The following CHMP2B variants were observed in gnomAD, a reference collection of about 807,000 sequenced individuals.
The protein encoded by CHMP2B is charged multivesicular body protein 2B.
A neutral mutation model predicts 29.8 loss-of-function variants in CHMP2B; 22 were observed. The observed-to-expected ratio is 0.74, with a 90% CI of 0.53 to 1.05. The LOEUF is 1.05. Among genes scored for constraint, CHMP2B ranks in the 50% least tolerant of loss-of-function variants. CHMP2B has a pLI of 0.00. For synonymous variants in CHMP2B, 78 were observed against 75.8 expected, an observed-to-expected ratio of 1.03 and a Z score of -0.15; for missense variants, 261 against 252.2, an observed-to-expected ratio of 1.03 and a Z score of -0.24.
intron 2 of CHMP2B, among the ~76,000 whole-genome samples, chr3:87,240,992 A>G (rs1706107925): frequency 6.6e-6 from 1 of 152,180 alleles, no homozygotes; most frequent in African/African-American, 2.4e-5. Context: ...GATTCTGTGT[A>G]TTCTGTTGAT....
rs140370370 is a variant in CHMP2B at position 87,244,923 on chromosome 3, A to G, written c.127-791A>G. Among the ~76,000 whole-genome samples, 98 of 152,178 alleles carry G rather than the reference A, an allele frequency of 6.4e-4. 1 individual carries two copies. In the East Asian group the frequency reaches 0.017, roughly 26 times the overall value. On this transcript the variant is annotated intron_variant, in intron 2 of 5. Transcript: ENST00000263780. ...TTTGCTTAAGAGTGGAGTTGTTGAT[A>G]TTTCTCATGCTAATTATGCATTTGT...
At chr3:87,245,571 C>G (rs1487915727) in intron 2 of CHMP2B, 143 bp from the exon 3 acceptor site, 7 of 700,754 alleles carry the variant, frequency 1.0e-5, no homozygotes, top group Non-Finnish European at 1.7e-5. Flanking sequence ...CTCTTTTGCT[C>G]TATGACTTTA....
In CHMP2B at chr3:87,249,965, A is replaced by C. The variant is rs376941490; in HGVS notation, c.412A>C (p.Thr138Pro). The C allele has an allele frequency of 1.3e-6, 2 of 1,567,466 alleles. No individual in the cohort carries two copies. Among genetic ancestry groups the C allele is most frequent in the African/African-American group, 2.7e-5 (2 of 73,774 alleles). The change falls in exon 4 of 6, where the codon ACT becomes CCT. Residue 138 changes from threonine to proline, a missense_variant. Transcript: ENST00000263780. ...GAAGGAAAACATGAAAATGGAAATGACTGAAGAAATGAGTAAGTTTAATAA... is the reference window on the plus strand; with the variant it reads ...GAAGGAAAACATGAAAATGGAAATGCCTGAAGAAATGAGTAAGTTTAATAA... ...FQKENMKMEM[T>P]EEMINDTLDD... is the part of the protein sequence containing the mutation.
chr3:87,251,277 A>G (rs1408805908), intron 4 of CHMP2B, among the ~76,000 whole-genome samples: 1 of 151,942 alleles, frequency 6.6e-6, no homozygotes, highest in Non-Finnish European at 1.5e-5. Flanking sequence ...TTTGAAAACT[A>G]TGAGTTTTTT....
chr3:87,232,583 C>G (rs1362613749), intron 1 of CHMP2B, among the ~76,000 whole-genome samples: 2 of 152,134 alleles, frequency 1.3e-5, no homozygotes, highest in African/African-American at 4.8e-5. Flanking sequence ...AAAACATTCT[C>G]CCTACTTTTA....
chr3:87,241,685 AC>A (rs1371103775), intron 2 of CHMP2B, among the ~76,000 whole-genome samples: 1 of 152,108 alleles, frequency 6.6e-6, no homozygotes, highest in Non-Finnish European at 1.5e-5. Context: ...TGAATATTTC[AC>A]AATTTGTTTA....
chr3:87,251,396 T>A (rs1706311336), intron 4 of CHMP2B, among the ~76,000 whole-genome samples: 1 of 151,996 alleles, frequency 6.6e-6, no homozygotes, highest in African/African-American at 2.4e-5. Flanking sequence ...ATGGCAGTTC[T>A]CAGCAGAGAA....
chr3:87,246,242 A>T (rs1200709131), intron 3 of CHMP2B, among the ~76,000 whole-genome samples: 1 of 151,844 alleles, frequency 6.6e-6, no homozygotes. Context: ...GATTCAAGTG[A>T]TTCTCCTGCC....
chr3:87,253,794 G>T lies in CHMP2B; in HGVS notation c.614G>T (p.Arg205Leu), dbSNP rs750217435. Residue 205 changes from arginine to leucine, a missense_variant, in exon 6 of 6, where the codon CGG becomes CTG. Transcript: ENST00000263780. ...KATISDEEIE[R>L]QLKALGVD The stretch of plus-strand genomic sequence containing the variant: ...ACAATCTCAGATGAAGAGATTGAAC[G>T]GCAACTCAAGGCTTTAGGAGTAGAT... The T allele has an allele frequency of 6.2e-6, 10 of 1,611,766 alleles. No individual in the cohort carries two copies. Among genetic ancestry groups the T allele is most frequent in the Non-Finnish European group, 6.8e-6 (8 of 1,178,394 alleles).
rs572106959 is a variant in CHMP2B at position 87,237,632 on chromosome 3, C to T, written c.35-3067C>T. On this transcript the variant is annotated intron_variant, in intron 1 of 5. Coordinates refer to ENST00000263780, the MANE Select transcript of CHMP2B (RefSeq NM_014043.4). The stretch of plus-strand genomic sequence containing the variant: ...AATATTAATAGATATTTCTTAAAAA[C>T]AGTTCTTAATACGTTTGGTCAATAA... 5.3e-5 allele frequency among the ~76,000 whole-genome samples: 8 copies of T among 152,268 alleles called. No homozygotes were observed. In the East Asian group the frequency reaches 1.5e-3, roughly 29 times the overall value.
intron 1 of CHMP2B, among the ~76,000 whole-genome samples, chr3:87,229,123 C>A (rs946983246): frequency 6.6e-6 from 1 of 151,860 alleles, no homozygotes; most frequent in African/African-American, 2.4e-5. Flanking sequence ...TAGTTTTAAT[C>A]GCCTAATACC....
intron 3 of CHMP2B, among the ~76,000 whole-genome samples, chr3:87,248,724 C>T (rs1451275432): frequency 6.7e-6 from 1 of 149,724 alleles, no homozygotes; most frequent in African/African-American, 2.5e-5. Context: ...TTTAACAGCA[C>T]TGGAAAGCCA....
At chr3:87,235,147 C>T (rs1705978341) in intron 1 of CHMP2B, among the ~76,000 whole-genome samples, 1 of 152,140 alleles carries the variant, frequency 6.6e-6, no homozygotes, top group South Asian at 2.1e-4. Flanking sequence ...TATGTATTCC[C>T]TTCTCTTAAA....
chr3:87,228,959 C>CG (rs1705860313), intron 1 of CHMP2B, among the ~76,000 whole-genome samples: 1 of 151,404 alleles, frequency 6.6e-6, no homozygotes, highest in Admixed American at 6.6e-5. Context: ...GATTTATTTT[C>CG]TTTTTGCTTG....
At chr3:87,227,748 A>G (rs1248148661) in intron 1 of CHMP2B, among the ~76,000 whole-genome samples, 192 bp downstream of exon 1, 1 of 152,150 alleles carries the variant, frequency 6.6e-6, no homozygotes, top group Non-Finnish European at 1.5e-5. Flanking sequence ...AGGCTCACCT[A>G]GGCAGTCTGG....
intron 1 of CHMP2B, among the ~76,000 whole-genome samples, chr3:87,232,831 G>A (rs754893161): frequency 1.3e-5 from 2 of 152,194 alleles, no homozygotes; most frequent in South Asian, 2.1e-4. Context: ...AGCCTTTGCC[G>A]TTGAGGACCA....
intron 3 of CHMP2B, 48 bp downstream of exon 3, chr3:87,245,956 A>G (rs1706205113): frequency 1.4e-6 from 2 of 1,451,956 alleles, no homozygotes; most frequent in Middle Eastern, 2.3e-4. Flanking sequence ...TATCAACGAT[A>G]TTTAAATATC....
chr3:87,230,527 A>G (rs1472460642), intron 1 of CHMP2B, among the ~76,000 whole-genome samples: 2 of 152,156 alleles, frequency 1.3e-5, no homozygotes, highest in South Asian at 2.1e-4. Context: ...AACTTTTGGT[A>G]GATACCATGC....
intron 3 of CHMP2B, among the ~76,000 whole-genome samples, chr3:87,246,747 G>A (rs112756162): frequency 0.011 from 1,635 of 152,280 alleles, 32 homozygotes; most frequent in South Asian, 0.091. Flanking sequence ...AAAGGACTCT[G>A]AGTCTTTCAG....
Sources: allele counts gnomAD v4.1 joint callset (sites outside exome capture counted in the v4.1 genomes callset), GRCh38; gene constraint gnomAD v4.1.1; transcripts MANE v1.5; gene names NCBI Gene and HGNC (gene_info 2026-07-23, HGNC 2026-07-21).